Variants in SLC25A29 observed in about 807,000 individuals in gnomAD.
SLC25A29 encodes the protein solute carrier family 25 member 29.
SLC25A29 carries 13 observed loss-of-function variants against 10.0 expected under a neutral mutation model. That is an observed-to-expected ratio of 1.30 (90% CI 0.85 to 2.07). SLC25A29 has a LOEUF of 2.07. Among genes scored for constraint, SLC25A29 ranks in the 30% most tolerant of loss-of-function variants. The pLI is 0.00. For synonymous variants in SLC25A29, 244 were observed against 221.1 expected (o/e 1.10, Z -0.92); for missense variants, 475 against 447.6 (o/e 1.06, Z -0.55).
intron 3 of SLC25A29, 30 bp from the exon 4 acceptor site, chr14:100,293,062 G>C (rs772538758): frequency 1.3e-6 from 2 of 1,499,956 alleles, no homozygotes; most frequent in Non-Finnish European, 8.9e-7. Flanking sequence ...ATCAGAGCCG[G>C]CAACGCGCAC....
chr14:100,297,827 C>T (rs529682209), intron 2 of SLC25A29, among the ~76,000 whole-genome samples: 1 of 152,308 alleles, frequency 6.6e-6, no homozygotes, highest in South Asian at 2.1e-4. Context: ...AGCACTGGCA[C>T]GATGACAACG....
At chr14:100,304,042 T>C (rs1237362820) in intron 1 of SLC25A29, among the ~76,000 whole-genome samples, 1 of 152,114 alleles carries the variant, frequency 6.6e-6, no homozygotes, top group East Asian at 1.9e-4. Context: ...ATGCTGTCAG[T>C]CAAGATGCTG....
chr14:100,285,567 G>T, the SLC25A29 span, among the ~76,000 whole-genome samples: 2 of 152,052 alleles, frequency 1.3e-5, no homozygotes, highest in South Asian at 2.1e-4. Flanking sequence ...GGGTCCCCGC[G>T]AGCCGCCGCC....
Position 100,293,289 on chromosome 14 carries a change from C to T in SLC25A29, c.162+5G>A, listed in dbSNP as rs1313190329. On this transcript the variant is annotated splice_donor_5th_base_variant and intron_variant, in intron 3 of 3. Transcript: ENST00000359232. ...TCCCGAGCCCCACCAGCCCAGGCCACTCACGCTCTCTTGCTTGATGATGGA... is the reference window on the plus strand; with the variant it reads ...TCCCGAGCCCCACCAGCCCAGGCCATTCACGCTCTCTTGCTTGATGATGGA... 6.2e-7 allele frequency: 1 copy of T among 1,612,878 alleles called. No individual in the cohort carries two copies. Among genetic ancestry groups the T allele is most frequent in the East Asian group, 2.2e-5 (1 of 44,870 alleles).
At chr14:100,299,913 A>G (rs777734523) in intron 1 of SLC25A29, 4 of 985,474 alleles carry the variant, frequency 4.1e-6, no homozygotes, top group Non-Finnish European at 4.8e-6. Context: ...TGCCTGTGGA[A>G]GTTACTATGC....
At chr14:100,300,039 G>A (rs1346787694) in intron 1 of SLC25A29, 6 of 848,668 alleles carry the variant, frequency 7.1e-6, no homozygotes, top group Non-Finnish European at 8.5e-6. Context: ...GGGAGGCCAA[G>A]GTGGGCAGAT....
intron 2 of SLC25A29, among the ~76,000 whole-genome samples, chr14:100,296,972 G>A (rs1328573685): frequency 1.3e-5 from 2 of 151,650 alleles, no homozygotes; most frequent in Non-Finnish European, 2.9e-5. Context: ...GCACGTGCCT[G>A]TAATCCCAGC....
chr14:100,285,072 A>AGAG, the SLC25A29 span, among the ~76,000 whole-genome samples: 3 of 145,186 alleles, frequency 2.1e-5, no homozygotes, highest in Non-Finnish European at 4.5e-5. Flanking sequence ...CTAGGGAGGG[A>AGAG]GAGGAGGCAA....
intron 1 of SLC25A29, chr14:100,299,155 G>A (rs761291444): frequency 1.3e-5 from 18 of 1,353,218 alleles, no homozygotes; most frequent in South Asian, 8.2e-5. Context: ...TGCTCTCCGC[G>A]GCTGACTGGT....
chr14:100,299,329 C>G (rs1004132677), intron 1 of SLC25A29: 8 of 1,023,908 alleles, frequency 7.8e-6, no homozygotes, highest in Admixed American at 5.1e-5. Flanking sequence ...GCTCATCAGC[C>G]TGGCGTGCTC....
intron 2 of SLC25A29, chr14:100,296,067 C>T (rs1892126986): frequency 8.0e-7 from 1 of 1,246,220 alleles, no homozygotes; most frequent in African/African-American, 1.5e-5. Context: ...CTGACACAGA[C>T]TCGGGTGGCC....
At chr14:100,305,509 A>T (rs1892864473) in intron 1 of SLC25A29, 1 of 152,074 alleles carries the variant, frequency 6.6e-6, no homozygotes, top group African/African-American at 2.4e-5. Flanking sequence ...CGGTCGGGGC[A>T]TGGGAGAGCC....
chr14:100,295,995 TG>T (rs1566800828), intron 2 of SLC25A29: 2 of 1,289,486 alleles, frequency 1.6e-6, no homozygotes, highest in East Asian at 5.5e-5. Context: ...CCCAAGGGCC[TG>T]GGGGAATAAA....
downstream of SLC25A29, among the ~76,000 whole-genome samples, chr14:100,286,129 C>A (rs1056042488): frequency 6.6e-6 from 1 of 152,204 alleles, no homozygotes; most frequent in Non-Finnish European, 1.5e-5. Flanking sequence ...TACATTCCGT[C>A]TTCCCTGGCC....
chr14:100,292,132 A>C lies in SLC25A29; in HGVS notation c.*151T>G. 9.5e-7 allele frequency: 1 copy of C among 1,048,746 alleles called. No individual in the cohort carries two copies. Among genetic ancestry groups the C allele is most frequent in the Non-Finnish European group, 1.4e-6 (1 of 713,316 alleles). The allele number at this position is 1,048,746 out of a possible 1,614,324, so 65.0% of individuals were successfully genotyped here. On this transcript the variant is annotated 3_prime_UTR_variant, in exon 4 of 4. Transcript: ENST00000359232. ...TGAGGCAAGTGCAGTTCTCGGCCAA[A>C]ACTACCCAGCTGATCAGCAAAATTC...
downstream of SLC25A29, among the ~76,000 whole-genome samples, chr14:100,287,382 G>A (rs1891563751): frequency 6.6e-6 from 1 of 152,216 alleles, no homozygotes; most frequent in African/African-American, 2.4e-5. Flanking sequence ...CCTTCTCTCT[G>A]CCCTTCCACG....
At chr14:100,300,586 GC>G (rs1049756602) in intron 1 of SLC25A29, among the ~76,000 whole-genome samples, 33 of 152,178 alleles carry the variant, frequency 2.2e-4, no homozygotes, top group African/African-American at 7.7e-4. Flanking sequence ...TTGCCATGCT[GC>G]CCAGGCTTTG....
Position 100,292,922 on chromosome 14 carries a change from C to A in SLC25A29, c.273G>T (p.Ser91=), listed in dbSNP as rs535393080. Residue 91 remains serine (S), a synonymous_variant, in exon 4 of 4, where the codon TCG becomes TCT. Coordinates refer to ENST00000359232, the MANE Select transcript of SLC25A29 (RefSeq NM_001039355.3). ...GNTLRALGHD[S]PLNQFLAGAA... ...CACCTGCCAGGAACTGGTTGAGGGG[C>A]GAGTCGTGGCCCAGGGCCCGGAGGG... The A allele has an allele frequency of 2.5e-6, 4 of 1,607,594 alleles. No homozygotes were observed. In the South Asian group the frequency reaches 3.3e-5, roughly 13 times the overall value.
chr14:100,295,502 G>T, intron 2 of SLC25A29: 1 of 1,129,266 alleles, frequency 8.9e-7, no homozygotes, highest in Non-Finnish European at 1.1e-6. Flanking sequence ...CAGGACCTGT[G>T]CTGAGCCCAA....
Sources: gnomAD v4.1 joint callset for allele counts (sites outside exome capture counted in the v4.1 genomes callset) on GRCh38, gnomAD v4.1.1 for gene constraint, MANE v1.5 for transcripts, NCBI Gene and HGNC (gene_info 2026-07-23, HGNC 2026-07-21) for gene names.